Variants in JAML observed in about 807,000 individuals in gnomAD.
JAML encodes the protein junction adhesion molecule like, also known as junctional adhesion molecule-like.
A neutral mutation model predicts 39.3 loss-of-function variants in JAML; 25 were observed. The ratio of observed to expected loss-of-function variants is 0.64; its 90% CI spans 0.46 to 0.89. The LOEUF is 0.89. Among genes scored for constraint, JAML ranks in the 40% least tolerant of loss-of-function variants. The pLI is 0.00. For synonymous variants in JAML, 162 were observed against 179.2 expected, an observed-to-expected ratio of 0.90 and a Z score of 0.77; for missense variants, 440 against 486.9, an observed-to-expected ratio of 0.90 and a Z score of 0.91.
intron 5 of JAML, 134 bp downstream of exon 5, chr11:118,205,748 T>A: frequency 1.4e-6 from 1 of 710,800 alleles, no homozygotes; most frequent in Non-Finnish European, 2.4e-6. Context: ...CTGAAATTGC[T>A]AGGAGAAGGT....
chr11:118,208,208 T>C (rs1404071217), intron 4 of JAML, among the ~76,000 whole-genome samples: 1 of 141,712 alleles, frequency 7.1e-6, no homozygotes, highest in Non-Finnish European at 1.5e-5. Context: ...CTCCAGAGCC[T>C]GGGTGACAGA....
Position 118,197,081 on chromosome 11 carries a change from G to A in JAML, c.1006-260C>T, listed in dbSNP as rs115491154. ...CTTTGTTTAGATGGATGTTTAGGTA[G>A]CAGCAGGGGTTCCTTATCTTGCTAA... On this transcript the variant is annotated intron_variant, in intron 8 of 9. Transcript: ENST00000356289. 134 of 381,286 alleles carry A rather than the reference G, an allele frequency of 3.5e-4. 2 individuals carry two copies. The highest frequency in any genetic ancestry group is 2.6e-3 in the African/African-American group (126 of 47,834). The allele number at this position is 381,286 out of a possible 1,614,324, so 23.6% of individuals were successfully genotyped here. A position where few individuals can be genotyped will look rare whatever the true frequency, so the allele number is the denominator to read the frequency against.
intron 5 of JAML, chr11:118,205,673 A>G: frequency 1.8e-6 from 1 of 553,174 alleles, no homozygotes; most frequent in Non-Finnish European, 3.3e-6. Flanking sequence ...GCATCCAAAA[A>G]GTTAAGCATC....
intron 2 of JAML, chr11:118,213,477 C>T (rs1391539504): frequency 7.9e-6 from 2 of 254,486 alleles, no homozygotes; most frequent in African/African-American, 4.6e-5. Context: ...AAGAAAACAT[C>T]GACTCTAAAC....
intron 1 of JAML, among the ~76,000 whole-genome samples, chr11:118,219,054 A>G (rs1416395477): frequency 6.6e-6 from 1 of 151,688 alleles, no homozygotes; most frequent in African/African-American, 2.4e-5. Flanking sequence ...GGGGGTTATA[A>G]CTATCAGGAT....
At chr11:118,207,304 AC>A (rs1214818758) in intron 4 of JAML, among the ~76,000 whole-genome samples, 1 of 152,230 alleles carries the variant, frequency 6.6e-6, no homozygotes, top group Non-Finnish European at 1.5e-5. Flanking sequence ...GTTAGTCATT[AC>A]AATATTTTGA....
chr11:118,195,505 C>T (rs553973218), intron 9 of JAML, among the ~76,000 whole-genome samples: 43 of 152,188 alleles, frequency 2.8e-4, no homozygotes, highest in African/African-American at 1.0e-3. Context: ...CAAATAGCAC[C>T]GTGCTCATCG....
At chr11:118,203,959 T>C in intron 5 of JAML, 1 of 353,710 alleles carries the variant, frequency 2.8e-6, no homozygotes. Flanking sequence ...AAAAGTATAC[T>C]TTTATTCTTG....
chr11:118,214,578 C>T (rs1442008399), intron 2 of JAML, among the ~76,000 whole-genome samples: 3 of 152,002 alleles, frequency 2.0e-5, no homozygotes, highest in Non-Finnish European at 4.4e-5. Context: ...TAAGAGGGTC[C>T]CAGAACACCC....
Position 118,194,382 on chromosome 11 carries a change from G to C in JAML, c.1128C>G (p.Asn376Lys), listed in dbSNP as rs1011217141. The C allele has an allele frequency of 2.5e-6, 4 of 1,614,132 alleles. No homozygotes were observed. ...PVWPSLRSDRNNSLEKKSGGG... is the reference protein window; with the variant it reads ...PVWPSLRSDRKNSLEKKSGGG... ...CACCTGACTTTTTTTCAAGTGAGTT[G>C]TTCCGATCTGACCTCAGAGAAGGCC... Residue 376 changes from asparagine to lysine, a missense_variant, in exon 10 of 10, where the codon AAC becomes AAG. Transcript: ENST00000356289.
At chr11:118,212,830 T>C in intron 2 of JAML, 1 of 1,613,280 alleles carries the variant, frequency 6.2e-7, no homozygotes, top group Non-Finnish European at 8.5e-7. Flanking sequence ...CTGGAATTCT[T>C]CCTCCCAACC....
intron 5 of JAML, 99 bp downstream of exon 5, chr11:118,205,783 C>G: frequency 8.9e-7 from 1 of 1,125,532 alleles, no homozygotes. Flanking sequence ...CACCAAAGCC[C>G]AGGCTCTTGC....
intron 3 of JAML, 47 bp from the exon 4 acceptor site, chr11:118,210,759 C>A (rs556591907): frequency 6.6e-7 from 1 of 1,511,224 alleles, no homozygotes; most frequent in Non-Finnish European, 9.2e-7. Context: ...GGTGCCAGAC[C>A]GAGGAGCCTG....
intron 4 of JAML, among the ~76,000 whole-genome samples, chr11:118,209,887 CAG>C (rs934860213): frequency 1.3e-5 from 2 of 149,116 alleles, no homozygotes; most frequent in African/African-American, 4.9e-5. Flanking sequence ...TTATTTTAGA[CAG>C]AGTCTTGCTC....
chr11:118,215,015 A>C (rs1949121771), intron 1 of JAML, 129 bp from the exon 2 acceptor site: 2 of 731,772 alleles, frequency 2.7e-6, no homozygotes, highest in African/African-American at 3.5e-5. Flanking sequence ...GAACAAGAAA[A>C]ACAGACGAGG....
Position 118,213,292 on chromosome 11 carries a change from G to C in JAML, c.44-731C>G, listed in dbSNP as rs1028640032. The C allele has an allele frequency of 3.6e-5, 38 of 1,066,970 alleles. No homozygotes were observed. In the African/African-American group the frequency reaches 5.4e-4, roughly 15 times the overall value. 66.1% of individuals were successfully genotyped at this position (1,066,970 alleles called of 1,614,324 possible). A position where few individuals can be genotyped will look rare whatever the true frequency, so the allele number is the denominator to read the frequency against. ...TTTCACAAGATATGCTCTATGCAAA[G>C]AGACAACAAAATCAAGAAAGATACA... On this transcript the variant is annotated intron_variant, in intron 2 of 9. Coordinates refer to ENST00000356289, the MANE Select transcript of JAML (RefSeq NM_001098526.2).
intron 6 of JAML, chr11:118,202,377 T>C (rs1353499624): frequency 6.5e-6 from 1 of 153,484 alleles, no homozygotes; most frequent in Non-Finnish European, 1.5e-5. Flanking sequence ...AGTAATTAAG[T>C]AGTAGAATTG....
chr11:118,210,751 T>A (rs759523562), intron 3 of JAML, 39 bp from the exon 4 acceptor site: 23 of 1,564,718 alleles, frequency 1.5e-5, no homozygotes, highest in Non-Finnish European at 1.9e-5. Flanking sequence ...TCAAAAGAGG[T>A]GCCAGACCGA....
intron 1 of JAML, among the ~76,000 whole-genome samples, chr11:118,216,094 G>A (rs969786314): frequency 2.0e-5 from 3 of 152,142 alleles, no homozygotes; most frequent in East Asian, 1.9e-4. Context: ...TTACTTGGCC[G>A]GGCCTGGTGG....
Sources: allele counts gnomAD v4.1 joint callset (sites outside exome capture counted in the v4.1 genomes callset), GRCh38; gene constraint gnomAD v4.1.1; transcripts MANE v1.5; gene names NCBI Gene and HGNC (gene_info 2026-07-23, HGNC 2026-07-21).